The following ENTREP2 variants were observed in gnomAD, a reference collection of about 807,000 sequenced individuals.
ENTREP2 encodes the protein endosomal transmembrane epsin interactor 2.
At chr15:29,352,418 A>G in the ENTREP2 span, among the ~76,000 whole-genome samples, 1 of 152,194 alleles carries the variant, frequency 6.6e-6, no homozygotes, top group African/African-American at 2.4e-5. Flanking sequence ...TTTAACTTCA[A>G]TGGAAGTTTT....
At chr15:29,608,522 T>TTTATTATTATTATTATTATTA in the ENTREP2 span, among the ~76,000 whole-genome samples, 4 of 140,536 alleles carry the variant, frequency 2.8e-5, no homozygotes, top group Non-Finnish European at 6.1e-5. Flanking sequence ...TCCTGCCTTC[T>TTTATTATTATTATTATTATTA]TTATTATTAT....
chr15:29,349,759 G>A, the ENTREP2 span, among the ~76,000 whole-genome samples: 1 of 152,094 alleles, frequency 6.6e-6, no homozygotes, highest in Non-Finnish European at 1.5e-5. Context: ...TTAGCCTGGC[G>A]TGGAGGCGCG....
the ENTREP2 span, among the ~76,000 whole-genome samples, chr15:29,622,274 C>T: frequency 2.0e-5 from 3 of 152,136 alleles, no homozygotes; most frequent in Non-Finnish European, 4.4e-5. Context: ...GGCATGATCT[C>T]GGCTTACTGC....
At chr15:29,656,793 TTC>T in the ENTREP2 span, among the ~76,000 whole-genome samples, 870 of 152,276 alleles carry the variant, frequency 5.7e-3, 15 homozygotes, top group African/African-American at 0.02. Context: ...AACAGTTCGT[TTC>T]TTCTAAAGTT....
the ENTREP2 span, among the ~76,000 whole-genome samples, chr15:29,140,187 G>A: frequency 6.6e-6 from 1 of 152,204 alleles, no homozygotes; most frequent in African/African-American, 2.4e-5. Context: ...CCCCGTAACT[G>A]TGTTGAAATC....
At chr15:29,338,518 A>T in the ENTREP2 span, among the ~76,000 whole-genome samples, 3 of 152,002 alleles carry the variant, frequency 2.0e-5, no homozygotes, top group African/African-American at 7.2e-5. Context: ...TCTGGACCAC[A>T]GCCTGAACAA....
the ENTREP2 span, among the ~76,000 whole-genome samples, chr15:29,303,897 T>C: frequency 1.3e-5 from 2 of 152,238 alleles, no homozygotes; most frequent in South Asian, 2.1e-4. Flanking sequence ...TTCTTTATTT[T>C]TGAGATGGAG....
At chr15:29,547,993 T>C in the ENTREP2 span, among the ~76,000 whole-genome samples, 1 of 152,148 alleles carries the variant, frequency 6.6e-6, no homozygotes, top group East Asian at 1.9e-4. Flanking sequence ...AAATACTGTA[T>C]GATTCCACTT....
chr15:29,520,666 G>A, the ENTREP2 span, among the ~76,000 whole-genome samples: 1 of 151,986 alleles, frequency 6.6e-6, no homozygotes, highest in African/African-American at 2.4e-5. Context: ...AAACAAAATT[G>A]AAGTATTTTA....
chr15:29,399,107 C>T, the ENTREP2 span, among the ~76,000 whole-genome samples: 1 of 152,214 alleles, frequency 6.6e-6, no homozygotes, highest in African/African-American at 2.4e-5. Flanking sequence ...TCCCCACCCA[C>T]AGCTTGCAAG....
At chr15:29,670,972 A>G in the ENTREP2 span, among the ~76,000 whole-genome samples, 11 of 152,314 alleles carry the variant, frequency 7.2e-5, no homozygotes, top group African/African-American at 2.6e-4. Context: ...CTGGTCCCAG[A>G]AAGACCAAGG....
chr15:29,671,069 C>T, the ENTREP2 span, among the ~76,000 whole-genome samples: 1 of 152,162 alleles, frequency 6.6e-6, no homozygotes, highest in African/African-American at 2.4e-5. Context: ...GGTTAATCAC[C>T]AGTGGTCAAT....
chr15:29,117,935 CAT>C, the ENTREP2 span: 1 of 152,244 alleles, frequency 6.6e-6, no homozygotes, highest in African/African-American at 2.4e-5. Flanking sequence ...GATCTACACA[CAT>C]CCACGCACAT....
At chr15:29,363,842 T>C in the ENTREP2 span, among the ~76,000 whole-genome samples, 1 of 152,190 alleles carries the variant, frequency 6.6e-6, no homozygotes, top group African/African-American at 2.4e-5. Context: ...GGGCTAATTA[T>C]CGGACACCTA....
the ENTREP2 span, among the ~76,000 whole-genome samples, chr15:29,409,935 G>A: frequency 6.6e-6 from 1 of 152,136 alleles, no homozygotes; most frequent in Non-Finnish European, 1.5e-5. Flanking sequence ...CAAAGCCCCC[G>A]ATACCTGAGC....
the ENTREP2 span, among the ~76,000 whole-genome samples, chr15:29,540,959 CTATCTGT>C: frequency 6.6e-6 from 1 of 152,184 alleles, no homozygotes; most frequent in Non-Finnish European, 1.5e-5. Context: ...GAAATAGACT[CTATCTGT>C]GGAAATGAGG....
At chr15:29,543,238 C>T in the ENTREP2 span, among the ~76,000 whole-genome samples, 2 of 152,192 alleles carry the variant, frequency 1.3e-5, no homozygotes, top group Non-Finnish European at 2.9e-5. Flanking sequence ...TGCACGTACA[C>T]AGAGGACTCC....
chr15:29,199,776 CT>C, the ENTREP2 span, among the ~76,000 whole-genome samples: 7 of 152,274 alleles, frequency 4.6e-5, no homozygotes, highest in African/African-American at 1.7e-4. Flanking sequence ...TGCTCCTACA[CT>C]TTTGGTGTTG....
the ENTREP2 span, among the ~76,000 whole-genome samples, chr15:29,299,192 G>A: frequency 6.6e-6 from 1 of 152,136 alleles, no homozygotes; most frequent in Non-Finnish European, 1.5e-5. Context: ...AAAACTCTTA[G>A]CATACTTGGT....
Sources: gnomAD v4.1 joint callset for allele counts (sites outside exome capture counted in the v4.1 genomes callset) on GRCh38, gnomAD v4.1.1 for gene constraint, MANE v1.5 for transcripts, NCBI Gene and HGNC (gene_info 2026-07-23, HGNC 2026-07-21) for gene names.